The following CAMTA1 variants were observed in gnomAD, a reference collection of about 807,000 sequenced individuals.
CAMTA1 encodes the protein calmodulin-binding transcription activator 1.
CAMTA1 carries 27 observed loss-of-function variants against 170.9 expected under a neutral mutation model. That is an observed-to-expected ratio of 0.16 (90% confidence interval 0.12 to 0.22). The LOEUF is 0.22. CAMTA1 is among the 10% of genes least tolerant of loss of function. The probability of loss-of-function intolerance (pLI) is 1.00; values close to 1 mark genes in which losing one functional copy is unlikely to be tolerated. For missense variants in CAMTA1, 1,619 were observed against 2,217.2 expected (o/e 0.73, Z 5.42); for synonymous variants, 833 against 891.5 (o/e 0.93, Z 1.17).
Position 7,021,142 on chromosome 1 carries a change from C to T in CAMTA1, c.235-70162C>T, listed in dbSNP as rs1258183479. ...TGTCAGAGATGTTTTGAGAAACTCC[C>T]TTCAGGGCAATCAAGCCCTTGCCAA... On this transcript the variant is annotated intron_variant, in intron 3 of 22. Transcript: ENST00000303635. Among the ~76,000 whole-genome samples, 4 of 152,376 alleles carry T rather than the reference C, an allele frequency of 2.6e-5. No homozygotes were observed. In the East Asian group the frequency reaches 5.8e-4, roughly 22 times the overall value.
chr1:7,457,890 C>T (rs983074409), intron 5 of CAMTA1, among the ~76,000 whole-genome samples: 28 of 152,222 alleles, frequency 1.8e-4, no homozygotes, highest in African/African-American at 6.5e-4. Context: ...CAAGGATCCC[C>T]CTTCCGCGGA....
At chr1:7,424,032 C>T (rs2091737364) in intron 5 of CAMTA1, among the ~76,000 whole-genome samples, 1 of 152,134 alleles carries the variant, frequency 6.6e-6, no homozygotes, top group African/African-American at 2.4e-5. Context: ...CGGCACCTTT[C>T]TTGGGGTGAG....
chr1:6,834,430 C>T (rs978620938), intron 3 of CAMTA1: 3 of 220,060 alleles, frequency 1.4e-5, no homozygotes, highest in South Asian at 7.1e-5. Flanking sequence ...TTAGGTGCCT[C>T]GTTCGGCCAG....
chr1:7,330,472 G>A (rs1574723561), intron 5 of CAMTA1, among the ~76,000 whole-genome samples: 1 of 152,246 alleles, frequency 6.6e-6, no homozygotes. Flanking sequence ...CCCCTTCTGA[G>A]GATTCTTCTG....
At chr1:6,938,500 G>T (rs1685848479) in intron 3 of CAMTA1, among the ~76,000 whole-genome samples, 1 of 152,186 alleles carries the variant, frequency 6.6e-6, no homozygotes, top group African/African-American at 2.4e-5. Flanking sequence ...TGCGTCTGGG[G>T]CTCTTGAAGG....
chr1:7,716,244 G>A (rs1415465316), intron 11 of CAMTA1, among the ~76,000 whole-genome samples: 1 of 152,006 alleles, frequency 6.6e-6, no homozygotes, highest in African/African-American at 2.4e-5. Flanking sequence ...TGTGGCCCAG[G>A]CTGGTCTCCA....
chr1:7,239,930 C>G (rs1168099873), intron 4 of CAMTA1, among the ~76,000 whole-genome samples: 1 of 151,992 alleles, frequency 6.6e-6, no homozygotes, highest in East Asian at 1.9e-4. Flanking sequence ...AAAAAAAAGC[C>G]ACTCCTGTAA....
intron 3 of CAMTA1, among the ~76,000 whole-genome samples, chr1:6,849,106 A>T (rs1190592242): frequency 6.6e-6 from 1 of 152,204 alleles, no homozygotes; most frequent in African/African-American, 2.4e-5. Flanking sequence ...TCAGCTCAAA[A>T]TAATTTTTAT....
chr1:7,089,826 T>C (rs533064680), intron 3 of CAMTA1, among the ~76,000 whole-genome samples: 1 of 152,180 alleles, frequency 6.6e-6, no homozygotes, highest in East Asian at 1.9e-4. Flanking sequence ...TCATGAATAG[T>C]TAGGGAGGGC....
chr1:7,245,116 G>A (rs60940404), intron 4 of CAMTA1, among the ~76,000 whole-genome samples: 16,619 of 150,714 alleles, frequency 0.11, 2,891 homozygotes, highest in African/African-American at 0.37. Context: ...GTAGTAAATG[G>A]GGACTTCCAT....
intron 3 of CAMTA1, among the ~76,000 whole-genome samples, chr1:7,013,459 C>T (rs979503271): frequency 6.6e-6 from 1 of 152,090 alleles, no homozygotes; most frequent in Non-Finnish European, 1.5e-5. Context: ...GTGATCCACC[C>T]ACTTCAGTCT....
At chr1:7,197,561 C>T (rs1267896697) in intron 4 of CAMTA1, among the ~76,000 whole-genome samples, 2 of 148,682 alleles carry the variant, frequency 1.3e-5, no homozygotes, top group Non-Finnish European at 3.0e-5. Context: ...TAGGAACCTG[C>T]GTGTGGGATG....
At chr1:7,085,278 C>A (rs888028022) in intron 3 of CAMTA1, among the ~76,000 whole-genome samples, 1 of 152,210 alleles carries the variant, frequency 6.6e-6, no homozygotes, top group Non-Finnish European at 1.5e-5. Flanking sequence ...TGACCTCTCA[C>A]GTAGGGCCCG....
chr1:7,078,756 G>A (rs894825001), intron 3 of CAMTA1, among the ~76,000 whole-genome samples: 2 of 152,214 alleles, frequency 1.3e-5, no homozygotes, highest in Non-Finnish European at 1.5e-5. Context: ...GTTGCTAAGA[G>A]AAGACTGTAA....
intron 5 of CAMTA1, among the ~76,000 whole-genome samples, chr1:7,264,879 C>G (rs1668673694): frequency 6.6e-6 from 1 of 152,138 alleles, no homozygotes; most frequent in South Asian, 2.1e-4. Flanking sequence ...ACTGCCCTTT[C>G]CTTTTGATGA....
Position 7,219,882 on chromosome 1 carries a change from G to A in CAMTA1, c.303-29609G>A, listed in dbSNP as rs1660432304. ...GAGACCCCATCTCTACCAAAACAAA[G>A]AAAAAAGAAGAGGAAGATACTAGAG... On this transcript the variant is annotated intron_variant, in intron 4 of 22. Coordinates refer to ENST00000303635, the MANE Select transcript of CAMTA1 (RefSeq NM_015215.4). Among the ~76,000 whole-genome samples, 6 of 152,072 alleles carry A rather than the reference G, an allele frequency of 3.9e-5. No individual in the cohort carries two copies. The South Asian group carries it at 1.2e-3, about 32-fold the overall frequency.
chr1:7,746,227 C>A, intron 18 of CAMTA1, 136 bp downstream of exon 18: 1 of 942,746 alleles, frequency 1.1e-6, no homozygotes, highest in Non-Finnish European at 1.6e-6. Context: ...TGGAAGTCTC[C>A]AATTTATTAA....
chr1:7,225,094 T>C (rs531741887), intron 4 of CAMTA1, among the ~76,000 whole-genome samples: 1 of 151,926 alleles, frequency 6.6e-6, no homozygotes, highest in East Asian at 1.9e-4. Flanking sequence ...CAGATCTCTT[T>C]TTTTTTTTGA....
At chr1:7,453,925 G>A (rs1161335415) in intron 5 of CAMTA1, among the ~76,000 whole-genome samples, 1 of 152,266 alleles carries the variant, frequency 6.6e-6, no homozygotes, top group Non-Finnish European at 1.5e-5. Flanking sequence ...GTGGTGAGCT[G>A]CAGCAGGCGT....
Sources: gnomAD v4.1 joint callset for allele counts (sites outside exome capture counted in the v4.1 genomes callset) on GRCh38, gnomAD v4.1.1 for gene constraint, MANE v1.5 for transcripts, NCBI Gene and HGNC (gene_info 2026-07-23, HGNC 2026-07-21) for gene names.